The following BAZ2B variants were observed in gnomAD, a reference collection of about 807,000 sequenced individuals.
BAZ2B encodes bromodomain adjacent to zinc finger domain 2B.
Under a neutral mutation model 246.0 loss-of-function variants are expected in BAZ2B, and 91 were observed. The observed-to-expected ratio is 0.37, with a 90% CI of 0.31 to 0.44. BAZ2B has a LOEUF of 0.44. BAZ2B is among the 20% of genes least tolerant of loss of function. The probability of loss-of-function intolerance (pLI) is 1.00; values close to 1 mark genes in which losing one functional copy is unlikely to be tolerated. For missense variants in BAZ2B, 2,332 were observed against 2,533.7 expected (o/e 0.92, Z 1.71); for synonymous variants, 855 against 860.0 (o/e 0.99, Z 0.10).
At chr2:159,446,258 A>G (rs2074236588) in intron 6 of BAZ2B, among the ~76,000 whole-genome samples, 1 of 152,250 alleles carries the variant, frequency 6.6e-6, no homozygotes, top group African/African-American at 2.4e-5. Flanking sequence ...CTGAGAGGCA[A>G]TAAATTGATA....
chr2:159,564,777 A>G (rs988387743), intron 1 of BAZ2B, among the ~76,000 whole-genome samples: 1 of 152,198 alleles, frequency 6.6e-6, no homozygotes, highest in Non-Finnish European at 1.5e-5. Context: ...GTACTCAAGT[A>G]AAGAGTTTCA....
intron 36 of BAZ2B, among the ~76,000 whole-genome samples, chr2:159,321,654 C>A (rs2062732278): frequency 6.6e-6 from 1 of 152,086 alleles, no homozygotes; most frequent in Admixed American, 6.5e-5. Context: ...ATAAGCCAGG[C>A]ACAGAAACAC....
At chr2:159,639,511 G>C in the BAZ2B span, among the ~76,000 whole-genome samples, 1 of 152,054 alleles carries the variant, frequency 6.6e-6, no homozygotes, top group South Asian at 2.1e-4. Context: ...GAAACAAGGA[G>C]AAACCACAAA....
At chr2:159,544,770 A>C (rs2087101139) in intron 2 of BAZ2B, among the ~76,000 whole-genome samples, 1 of 152,206 alleles carries the variant, frequency 6.6e-6, no homozygotes, top group Non-Finnish European at 1.5e-5. Flanking sequence ...CTTCGAGAAA[A>C]GGAAATATGT....
chr2:159,590,074 C>A (rs1688949034), intron 1 of BAZ2B, among the ~76,000 whole-genome samples: 1 of 151,184 alleles, frequency 6.6e-6, no homozygotes, highest in South Asian at 2.1e-4. Flanking sequence ...GTAATCCCAG[C>A]AACTTGGGAG....
chr2:159,377,184 A>G (rs2061494918), intron 25 of BAZ2B, among the ~76,000 whole-genome samples: 1 of 152,144 alleles, frequency 6.6e-6, no homozygotes, highest in Non-Finnish European at 1.5e-5. Context: ...CCCTGCCTTA[A>G]AGGAAAAATC....
chr2:159,403,733 T>C (rs2065462896), intron 16 of BAZ2B, among the ~76,000 whole-genome samples: 1 of 152,184 alleles, frequency 6.6e-6, no homozygotes, highest in Non-Finnish European at 1.5e-5. Context: ...TTGGATGTTT[T>C]ATATTTATCT....
intron 6 of BAZ2B, among the ~76,000 whole-genome samples, chr2:159,440,139 T>C (rs979430799): frequency 6.6e-6 from 1 of 152,166 alleles, no homozygotes; most frequent in Admixed American, 6.5e-5. Context: ...ATATTCATAA[T>C]TATTTAACAA....
chr2:159,636,547 C>T, the BAZ2B span, among the ~76,000 whole-genome samples: 1 of 152,004 alleles, frequency 6.6e-6, no homozygotes, highest in African/African-American at 2.4e-5. Flanking sequence ...ACTTGAGTTT[C>T]TTGACAAGCC....
At chr2:159,432,049 G>A (rs1328087300) in intron 9 of BAZ2B, among the ~76,000 whole-genome samples, 9 of 152,034 alleles carry the variant, frequency 5.9e-5, no homozygotes, top group Admixed American at 5.9e-4. Flanking sequence ...ACTTTAAATT[G>A]TACAGCTGAG....
At chr2:159,706,778 A>G in the BAZ2B span, among the ~76,000 whole-genome samples, 4 of 152,248 alleles carry the variant, frequency 2.6e-5, no homozygotes, top group Non-Finnish European at 5.9e-5. Context: ...TGGCAAGGCC[A>G]GAGTACCCAG....
At chr2:159,674,817 A>G in the BAZ2B span, among the ~76,000 whole-genome samples, 54,642 of 151,932 alleles carry the variant, frequency 0.36, 10,004 homozygotes, top group South Asian at 0.46. Flanking sequence ...ATATAGAACA[A>G]GGAAAATAAC....
chr2:159,351,249 A>G (rs2058530618), intron 27 of BAZ2B, among the ~76,000 whole-genome samples: 1 of 152,154 alleles, frequency 6.6e-6, no homozygotes, highest in Non-Finnish European at 1.5e-5. Flanking sequence ...CTAAACTGCT[A>G]GAGGGTTTTA....
At chr2:159,587,126 T>A (rs1028921109) in intron 1 of BAZ2B, among the ~76,000 whole-genome samples, 1 of 151,924 alleles carries the variant, frequency 6.6e-6, no homozygotes, top group African/African-American at 2.4e-5. Context: ...TAGCCCAGGC[T>A]GGAGTGCAGT....
intron 1 of BAZ2B, among the ~76,000 whole-genome samples, chr2:159,575,951 C>T (rs1043315777): frequency 3.3e-5 from 5 of 152,114 alleles, no homozygotes; most frequent in Non-Finnish European, 5.9e-5. Flanking sequence ...CTACAAACAG[C>T]AGCCTAAAAT....
At chr2:159,486,407 A>T (rs1008772789) in intron 2 of BAZ2B, among the ~76,000 whole-genome samples, 1 of 152,036 alleles carries the variant, frequency 6.6e-6, no homozygotes, top group African/African-American at 2.4e-5. Flanking sequence ...TAAAATATCC[A>T]TGTATACTCA....
intron 1 of BAZ2B, among the ~76,000 whole-genome samples, chr2:159,564,584 C>T (rs1019002229): frequency 6.6e-6 from 1 of 151,996 alleles, no homozygotes; most frequent in Non-Finnish European, 1.5e-5. Context: ...TATTTGATTG[C>T]TGATGACTAA....
At chr2:159,578,440 T>C (rs914167264) in intron 1 of BAZ2B, among the ~76,000 whole-genome samples, 30 of 152,188 alleles carry the variant, frequency 2.0e-4, no homozygotes, top group African/African-American at 7.2e-4. Flanking sequence ...TAACCCAATG[T>C]TTCCCAAAAT....
intron 2 of BAZ2B, among the ~76,000 whole-genome samples, chr2:159,523,784 G>A (rs1343182047): frequency 6.6e-6 from 1 of 152,104 alleles, no homozygotes; most frequent in Non-Finnish European, 1.5e-5. Context: ...AGTTTAGGAA[G>A]CCCTGATCTA....
Sources: gnomAD v4.1 joint callset for allele counts (sites outside exome capture counted in the v4.1 genomes callset) on GRCh38, gnomAD v4.1.1 for gene constraint, MANE v1.5 for transcripts, NCBI Gene and HGNC (gene_info 2026-07-23, HGNC 2026-07-21) for gene names.